The following PIEZO2 variants were observed in gnomAD, a reference collection of about 807,000 sequenced individuals.
The protein encoded by PIEZO2 is piezo-type mechanosensitive ion channel component 2.
PIEZO2 carries 172 observed loss-of-function variants against 337.3 expected under a neutral mutation model. That is an observed-to-expected ratio of 0.51 (90% confidence interval 0.45 to 0.58). The LOEUF (loss-of-function observed/expected upper bound fraction) is 0.58, where lower values mean the gene tolerates loss of function less well. PIEZO2 is among the 20% of genes least tolerant of loss of function. PIEZO2 has a pLI of 0.00. For missense variants in PIEZO2, 3,028 were observed against 3,391.3 expected (o/e 0.89, Z 2.66); for synonymous variants, 1,251 against 1,228.5 (o/e 1.02, Z -0.38).
In PIEZO2 at chr18:10,930,932, G is replaced by A. The variant is rs183881098; in HGVS notation, c.287-19704C>T. 1.2e-4 allele frequency among the ~76,000 whole-genome samples: 19 copies of A among 152,292 alleles called. No individual in the cohort carries two copies. In the East Asian group the frequency reaches 3.7e-3, roughly 29 times the overall value. ...CACCATGGTATGACATACAGAGGCTGTCCTTGGTTTTTCTAAGCCTTTTTA... is the reference window on the plus strand; with the variant it reads ...CACCATGGTATGACATACAGAGGCTATCCTTGGTTTTTCTAAGCCTTTTTA... On this transcript the variant is annotated intron_variant, in intron 3 of 55. Transcript: ENST00000674853.
chr18:10,787,836 C>T (rs904212406), intron 15 of PIEZO2, among the ~76,000 whole-genome samples: 1 of 152,054 alleles, frequency 6.6e-6, no homozygotes, highest in Non-Finnish European at 1.5e-5. Flanking sequence ...ATTGGGTTCT[C>T]TTTTATCATC....
intron 2 of PIEZO2, among the ~76,000 whole-genome samples, chr18:11,006,527 C>T (rs2035726923): frequency 1.3e-5 from 2 of 152,160 alleles, no homozygotes; most frequent in South Asian, 4.1e-4. Context: ...TCTTTGCCTC[C>T]TCAGAGTTAA....
Position 10,784,863 on chromosome 18 carries a change from G to A in PIEZO2, c.2413C>T (p.Leu805=). 1 of 1,537,682 alleles carries A rather than the reference G, an allele frequency of 6.5e-7. No homozygotes were observed. Among genetic ancestry groups the A allele is most frequent in the Non-Finnish European group, 8.7e-7 (1 of 1,146,988 alleles). Residue 805 remains leucine (L), a synonymous_variant, in exon 17 of 56, where the codon CTG becomes TTG. Transcript: ENST00000674853. This position sits in a 1 kb window ranked among gnomAD's most constrained non-coding sequence, Gnocchi z 4.5. ...TSFLLVCILH[L]HYFHDRFLEL... is the part of the protein sequence containing the mutation. ...AGGAACCGGTCATGGAAGTAGTGCA[G>A]GTGTAAAATGCACACCAGCAGAAAG... is the stretch of plus-strand genomic sequence containing the variant.
At chr18:11,008,614 C>T (rs2035797035) in intron 2 of PIEZO2, among the ~76,000 whole-genome samples, 1 of 152,194 alleles carries the variant, frequency 6.6e-6, no homozygotes, top group South Asian at 2.1e-4. Context: ...GACTTCTAGA[C>T]CTGACTGTCT....
chr18:10,726,506 C>G lies in PIEZO2; in HGVS notation c.5029+4901G>C, dbSNP rs1182807062. Reference sequence around the variant, plus strand: ...GCACAGCGTGCTGCTCCGCAAGCAGCCGTTCCTGTGGCGCGCTGCGCTGCT... The same window carrying G: ...GCACAGCGTGCTGCTCCGCAAGCAGGCGTTCCTGTGGCGCGCTGCGCTGCT... On this transcript the variant is annotated intron_variant, in intron 36 of 55. Coordinates refer to ENST00000674853, the MANE Select transcript of PIEZO2 (RefSeq NM_001378183.1). The surrounding 1 kb of genome is among the most constrained non-coding windows in gnomAD (Gnocchi z 5.9). 3 of 1,491,746 alleles carry G rather than the reference C, an allele frequency of 2.0e-6. No homozygotes were observed. Among genetic ancestry groups the G allele is most frequent in the Non-Finnish European group, 2.7e-6 (3 of 1,125,848 alleles). The allele number at this position is 1,491,746 out of a possible 1,614,324, so 92.4% of individuals were successfully genotyped here.
rs2036738973 is a variant in PIEZO2, at chr18:11,031,556, C to T, written c.160+34571G>A. On this transcript the variant is annotated intron_variant, in intron 2 of 55. Coordinates refer to ENST00000674853, the MANE Select transcript of PIEZO2 (RefSeq NM_001378183.1). This position sits in a 1 kb window ranked among gnomAD's most constrained non-coding sequence, Gnocchi z 4.7. ...TAATATTCTTCACAGAGATGATATT[C>T]AAATTATGCTTTTAAAACATTTTTA... Among the ~76,000 whole-genome samples the T allele has an allele frequency of 6.6e-6, 1 of 152,080 alleles. No homozygotes were observed. The highest frequency in any genetic ancestry group is 6.5e-5 in the Admixed American group (1 of 15,268).
intron 36 of PIEZO2, among the ~76,000 whole-genome samples, chr18:10,720,927 T>C (rs1181885011): frequency 6.6e-6 from 1 of 152,208 alleles, no homozygotes; most frequent in Non-Finnish European, 1.5e-5. Context: ...TGCTAGAATG[T>C]CAGGCTGTGT....
intron 1 of PIEZO2, among the ~76,000 whole-genome samples, chr18:11,121,924 C>T (rs909846629): frequency 6.6e-6 from 1 of 152,080 alleles, no homozygotes; most frequent in Non-Finnish European, 1.5e-5. Context: ...TTATAAAAAT[C>T]ATGTACCAAA....
rs1184415020 is a variant in PIEZO2, at chr18:10,877,425, T to A, written c.330-6010A>T. Among the ~76,000 whole-genome samples the A allele has an allele frequency of 6.6e-6, 1 of 152,262 alleles. No homozygotes were observed. Among genetic ancestry groups the A allele is most frequent in the Non-Finnish European group, 1.5e-5 (1 of 68,054 alleles). Reference sequence around the variant, plus strand: ...TCGTCCGCTGAGAAACATTAGCATATATCCATTTTCCTACTGGATATCTGT... The same window carrying A: ...TCGTCCGCTGAGAAACATTAGCATAAATCCATTTTCCTACTGGATATCTGT... On this transcript the variant is annotated intron_variant, in intron 4 of 55. Coordinates refer to ENST00000674853, the MANE Select transcript of PIEZO2 (RefSeq NM_001378183.1). The surrounding 1 kb of genome is among the most constrained non-coding windows in gnomAD (Gnocchi z 5.3).
chr18:11,040,261 G>A (rs747536415), intron 2 of PIEZO2, among the ~76,000 whole-genome samples: 2 of 151,946 alleles, frequency 1.3e-5, no homozygotes, highest in African/African-American at 2.4e-5. Context: ...GACACCTTAC[G>A]CTTACTCCTT....
intron 2 of PIEZO2, among the ~76,000 whole-genome samples, chr18:11,022,838 G>A (rs543190170): frequency 6.6e-6 from 1 of 152,306 alleles, no homozygotes; most frequent in African/African-American, 2.4e-5. Flanking sequence ...CCCTCGAGGT[G>A]AGTGTTACAG....
rs983445553 is a variant in PIEZO2, at chr18:11,016,510, C to T, written c.161-36850G>A. On this transcript the variant is annotated intron_variant, in intron 2 of 55. Transcript: ENST00000674853. This position sits in a 1 kb window ranked among gnomAD's most constrained non-coding sequence, Gnocchi z 5.6. Reference sequence around the variant, plus strand: ...TGGGTATGAGGGGGGTCGGGTTAAGCGGCTTAACAAAGAGGTGTGCCCGAG... The same window carrying T: ...TGGGTATGAGGGGGGTCGGGTTAAGTGGCTTAACAAAGAGGTGTGCCCGAG... Among the ~76,000 whole-genome samples the T allele has an allele frequency of 2.0e-5, 3 of 152,070 alleles. No individual in the cohort carries two copies. Among genetic ancestry groups the T allele is most frequent in the Admixed American group, 6.6e-5 (1 of 15,260 alleles).
Position 10,691,311 on chromosome 18 carries a change from G to GTAAGCAGACAAC in PIEZO2, c.7251_7262dup (p.Ala2420_Tyr2421insTer). The GTAAGCAGACAAC allele has an allele frequency of 6.2e-7, 1 of 1,614,080 alleles. No homozygotes were observed. Among genetic ancestry groups the GTAAGCAGACAAC allele is most frequent in the Non-Finnish European group, 8.5e-7 (1 of 1,180,004 alleles). On this transcript the variant is annotated stop_gained, in exon 48 of 56. Coordinates refer to ENST00000674853, the MANE Select transcript of PIEZO2 (RefSeq NM_001378183.1). LOFTEE classifies it high-confidence loss of function. ...GCGTTGGGTAGCCACAACGGATCTG[G>GTAAGCAGACAAC]TAAGCAGACAACCCGAAGTAAACAC... is the stretch of plus-strand genomic sequence containing the variant.
intron 4 of PIEZO2, among the ~76,000 whole-genome samples, chr18:10,875,300 T>A (rs2042242208): frequency 6.6e-6 from 1 of 152,186 alleles, no homozygotes; most frequent in South Asian, 2.1e-4. Flanking sequence ...AGTAATGAAA[T>A]CTGATGAATG....
intron 2 of PIEZO2, among the ~76,000 whole-genome samples, chr18:11,051,401 C>G (rs7241140): frequency 0.052 from 7,241 of 138,426 alleles, 504 homozygotes; most frequent in African/African-American, 0.16. Context: ...GTAACATAAA[C>G]ATTTCATATA....
chr18:10,816,338 C>T (rs1432696597), intron 7 of PIEZO2, among the ~76,000 whole-genome samples: 2 of 152,098 alleles, frequency 1.3e-5, no homozygotes, highest in African/African-American at 2.4e-5. Context: ...CTTTCAGAGC[C>T]TAAATATTGT....
intron 2 of PIEZO2, among the ~76,000 whole-genome samples, chr18:10,992,789 G>T (rs2145564081): frequency 6.6e-6 from 1 of 152,226 alleles, no homozygotes; most frequent in Middle Eastern, 3.4e-3. Flanking sequence ...GCTTGATGGG[G>T]ATAGCATTGA....
In PIEZO2 at chr18:10,746,239, C is replaced by A. The variant is rs2037416668; in HGVS notation, c.4425-2008G>T. 6.6e-6 allele frequency among the ~76,000 whole-genome samples: 1 copy of A among 152,204 alleles called. No individual in the cohort carries two copies. The highest frequency in any genetic ancestry group is 2.1e-4 in the South Asian group (1 of 4,834). On this transcript the variant is annotated intron_variant, in intron 30 of 55. Coordinates refer to ENST00000674853, the MANE Select transcript of PIEZO2 (RefSeq NM_001378183.1). This position sits in a 1 kb window ranked among gnomAD's most constrained non-coding sequence, Gnocchi z 4.2. ...GCTTGTTTAAACACTGCAAGGCCTT[C>A]CTAAGACTGTGGGAGTATTTCTAAA...
chr18:10,779,498 A>G (rs1256701632), intron 18 of PIEZO2, among the ~76,000 whole-genome samples: 2 of 152,188 alleles, frequency 1.3e-5, no homozygotes, highest in Non-Finnish European at 2.9e-5. Context: ...TGTGGACATT[A>G]TATGTTTTAT....
Sources: allele counts gnomAD v4.1 joint callset (sites outside exome capture counted in the v4.1 genomes callset), GRCh38; gene constraint gnomAD v4.1.1; non-coding constraint Gnocchi (gnomAD v3.1); transcripts MANE v1.5; gene names NCBI Gene and HGNC (gene_info 2026-07-23, HGNC 2026-07-21).